Variants in CDCP2 observed in about 807,000 individuals in gnomAD.
CDCP2 encodes the protein CUB domain containing protein 2, also known as CUB domain-containing protein 2.
CDCP2 carries 31 observed loss-of-function variants against 31.0 expected under a neutral mutation model. The observed-to-expected ratio is 1.00, with a 90% CI of 0.75 to 1.35. The LOEUF (loss-of-function observed/expected upper bound fraction) is 1.35, where lower values mean the gene tolerates loss of function less well. CDCP2 is among the 40% of genes most tolerant of loss of function. The probability of loss-of-function intolerance (pLI) is 0.00; values close to 1 mark genes in which losing one functional copy is unlikely to be tolerated. For missense variants in CDCP2, 443 were observed against 482.6 expected (o/e 0.92, Z 0.77); for synonymous variants, 206 against 207.9 (o/e 0.99, Z 0.08).
At chr1:54,137,692 T>TGTGTGTGTGTGAGTGCGCGCGC (rs1553173556) in intron 4 of CDCP2, 1 of 146,090 alleles carries the variant, frequency 6.8e-6, no homozygotes, top group South Asian at 2.2e-4. Context: ...TGCGTGTGTG[T>TGTGTGTGTGTGAGTGCGCGCGC]GTGTGTGTGT....
intron 1 of CDCP2, among the ~76,000 whole-genome samples, chr1:54,148,230 A>G (rs1008348216): frequency 6.6e-6 from 1 of 150,966 alleles, no homozygotes; most frequent in Non-Finnish European, 1.5e-5. Flanking sequence ...CCAGGCAAAT[A>G]AAAATTTTTA....
intron 4 of CDCP2, 71 bp from the exon 5 acceptor site, chr1:54,136,879 TACCCTCCC>T: frequency 5.0e-6 from 2 of 398,874 alleles, no homozygotes; most frequent in Non-Finnish European, 8.8e-6. Context: ...CAACACCCCC[TACCCTCCC>T]ACAAAGGGTG....
At chr1:54,144,602 G>A (rs760656318) in exon 2 of CDCP2, 2 of 1,614,116 alleles carry the variant, frequency 1.2e-6, no homozygotes, top group East Asian at 4.5e-5. Flanking sequence ...GGTTGCCCTT[G>A]TCTGGTGAGG....
At chr1:54,134,244 C>G (rs1385433144) in intron 5 of CDCP2, among the ~76,000 whole-genome samples, 1 of 152,236 alleles carries the variant, frequency 6.6e-6, no homozygotes, top group African/African-American at 2.4e-5. Flanking sequence ...ATGGCTTCCC[C>G]CTGCAGCCTT....
At chr1:54,140,013 G>A in exon 4 of CDCP2, 1 of 1,614,036 alleles carries the variant, frequency 6.2e-7, no homozygotes, top group South Asian at 1.1e-5. Flanking sequence ...CAGGCGGATG[G>A]TCCAGTGGCA....
exon 4 of CDCP2, chr1:54,140,039 G>A (rs1557706468): frequency 1.2e-6 from 2 of 1,613,882 alleles, no homozygotes; most frequent in Non-Finnish European, 1.7e-6. Flanking sequence ...TGTTGTTGGG[G>A]TAGGAGCTGG....
intron 1 of CDCP2, among the ~76,000 whole-genome samples, chr1:54,148,995 T>C (rs985142317): frequency 6.8e-6 from 1 of 147,184 alleles, no homozygotes; most frequent in East Asian, 1.9e-4. Context: ...ATATAATATA[T>C]AATATATTTA....
intron 2 of CDCP2, chr1:54,142,476 T>C (rs1449915676): frequency 1.3e-5 from 2 of 152,254 alleles, no homozygotes; most frequent in Non-Finnish European, 2.9e-5. Flanking sequence ...TCTGAAAATA[T>C]GCTGCTGGAA....
chr1:54,137,663 A>ATGTGTGCGTG, intron 4 of CDCP2: 1 of 144,854 alleles, frequency 6.9e-6, no homozygotes, highest in Non-Finnish European at 1.5e-5. Context: ...TTGGGTGAGC[A>ATGTGTGCGTG]TGTGTGTGTG....
In CDCP2 at chr1:54,141,004, G is replaced by A. The variant is rs1050548201; in HGVS notation, c.763+94C>T. On this transcript the variant is annotated intron_variant, in intron 3 of 5. Transcript: ENST00000530059. Reference sequence around the variant, plus strand: ...AGAGTGCAGAAAGCTCAAGGCTGCGGGGGGCAGAAAGGTGTGACCCCTGCA... The same window carrying A: ...AGAGTGCAGAAAGCTCAAGGCTGCGAGGGGCAGAAAGGTGTGACCCCTGCA... The A allele has an allele frequency of 2.9e-5, 31 of 1,071,616 alleles. No individual in the cohort carries two copies. The East Asian group carries it at 7.3e-4, about 25-fold the overall frequency. 66.4% of individuals were successfully genotyped at this position (1,071,616 alleles called of 1,614,324 possible). A position where few individuals can be genotyped will look rare whatever the true frequency, so the allele number is the denominator to read the frequency against.
chr1:54,152,763 T>C (rs1570075644), intron 1 of CDCP2, 81 bp downstream of exon 1: 1 of 1,353,416 alleles, frequency 7.4e-7, no homozygotes, highest in East Asian at 2.3e-5. Context: ...TGGCTTCCCA[T>C]GTAGAAACTT....
Position 54,143,203 on chromosome 1 carries a change from G to A in CDCP2, c.427+1263C>T, listed in dbSNP as rs540013121. On this transcript the variant is annotated intron_variant, in intron 2 of 5. Transcript: ENST00000530059. ...ATACAAAAATTAGCCAAGCATGGTGGGTGGCGCGCGCCTGTAATCCCAGCT... is the reference window on the plus strand; with the variant it reads ...ATACAAAAATTAGCCAAGCATGGTGAGTGGCGCGCGCCTGTAATCCCAGCT... Among the ~76,000 whole-genome samples the A allele has an allele frequency of 2.6e-5, 4 of 152,174 alleles. No homozygotes were observed. The South Asian group carries it at 8.3e-4, about 32-fold the overall frequency.
rs780391146 is a variant in CDCP2, at chr1:54,144,748, G to A, written c.145C>T (p.Leu49=). 4 of 1,614,082 alleles carry A rather than the reference G, an allele frequency of 2.5e-6. No individual in the cohort carries two copies. In the African/African-American group the frequency reaches 4.0e-5, roughly 16 times the overall value. Residue 49 remains leucine (L), a synonymous_variant, in exon 2 of 6, where the codon CTG becomes TTG. Coordinates refer to ENST00000530059, the Ensembl canonical transcript of CDCP2. ...CTGCACTCTGTGTTGTAGGGGTACA[G>A]TCTAGGGAAGTTGGGGCTGGAGAAG... is the stretch of plus-strand genomic sequence containing the variant.
intron 1 of CDCP2, among the ~76,000 whole-genome samples, chr1:54,147,970 C>G (rs536224732): frequency 3.9e-4 from 59 of 151,220 alleles, no homozygotes; most frequent in South Asian, 8.3e-4. Flanking sequence ...CATGGTGGAA[C>G]CACTGCACTC....
intron 2 of CDCP2, chr1:54,142,647 G>A (rs1246665808): frequency 6.6e-6 from 1 of 152,358 alleles, no homozygotes; most frequent in Non-Finnish European, 1.5e-5. Context: ...GGCTCTGGAT[G>A]GGGCATCTAA....
intron 2 of CDCP2, 66 bp downstream of exon 2, chr1:54,144,400 G>A: frequency 7.1e-7 from 1 of 1,410,490 alleles, no homozygotes; most frequent in Non-Finnish European, 9.6e-7. Flanking sequence ...TCCCACTTTG[G>A]CTTGCCAAAG....
At chr1:54,139,648 G>GC in intron 4 of CDCP2, 105 bp downstream of exon 4, 6 of 1,613,628 alleles carry the variant, frequency 3.7e-6, no homozygotes, top group Non-Finnish European at 5.1e-6. Context: ...CCATTCATGG[G>GC]GGGGGCAGGA....
At chr1:54,139,343 C>T in intron 4 of CDCP2, 3 of 604,618 alleles carry the variant, frequency 5.0e-6, no homozygotes, top group South Asian at 4.1e-5. Flanking sequence ...ATGAGTAGTT[C>T]TGAATGATAC....
intron 1 of CDCP2, among the ~76,000 whole-genome samples, chr1:54,147,855 T>A (rs12734945): frequency 5.3e-5 from 8 of 150,122 alleles, no homozygotes; most frequent in South Asian, 2.1e-4. Flanking sequence ...ACAAAAAAAA[T>A]TTAAAAATTA....
Sources: allele counts gnomAD v4.1 joint callset (sites outside exome capture counted in the v4.1 genomes callset), GRCh38; gene constraint gnomAD v4.1.1; transcripts MANE v1.5; gene names NCBI Gene and HGNC (gene_info 2026-07-23, HGNC 2026-07-21).